The following LEKR1 variants were observed in gnomAD, a reference collection of about 807,000 sequenced individuals.
LEKR1 encodes the protein leucine, glutamate and lysine rich 1, also known as protein LEKR1.
In LEKR1, 59 loss-of-function variants were observed where a neutral mutation model predicts 72.4. The ratio of observed to expected loss-of-function variants is 0.82; its 90% CI spans 0.66 to 1.01. LEKR1 has a LOEUF of 1.01. Among genes scored for constraint, LEKR1 ranks in the 50% least tolerant of loss-of-function variants. LEKR1 has a pLI of 0.00. For missense variants in LEKR1, 728 were observed against 759.2 expected, an observed-to-expected ratio of 0.96 and a Z score of 0.48; for synonymous variants, 257 against 263.2, an observed-to-expected ratio of 0.98 and a Z score of 0.23.
At chr3:157,027,884 A>C (rs1734321739) in intron 11 of LEKR1, among the ~76,000 whole-genome samples, 1 of 152,194 alleles carries the variant, frequency 6.6e-6, no homozygotes, top group South Asian at 2.1e-4. Context: ...ATATATTTCC[A>C]AAAGTGCCCA....
intron 7 of LEKR1, among the ~76,000 whole-genome samples, chr3:156,991,380 G>A (rs1017358683): frequency 1.3e-5 from 2 of 151,836 alleles, no homozygotes; most frequent in African/African-American, 4.8e-5. Flanking sequence ...TAATAAAAAA[G>A]ATTTAAAAAT....
intron 5 of LEKR1, among the ~76,000 whole-genome samples, chr3:156,941,140 A>G (rs1031279086): frequency 4.4e-4 from 17 of 38,436 alleles, no homozygotes; most frequent in African/African-American, 5.7e-4. Flanking sequence ...TATTTTGAGG[A>G]AAAAAAAATC....
chr3:156,916,608 A>T (rs1723677600), intron 3 of LEKR1, among the ~76,000 whole-genome samples: 1 of 152,102 alleles, frequency 6.6e-6, no homozygotes, highest in Non-Finnish European at 1.5e-5. Flanking sequence ...TTGATTTTGT[A>T]TCCTGAAACT....
intron 9 of LEKR1, among the ~76,000 whole-genome samples, chr3:156,996,175 G>A (rs1378008704): frequency 6.6e-6 from 1 of 152,078 alleles, no homozygotes; most frequent in Admixed American, 6.5e-5. Context: ...AAAAAATAGA[G>A]AACTGACTAG....
chr3:156,919,676 C>G (rs963036938), intron 3 of LEKR1, among the ~76,000 whole-genome samples: 1 of 152,122 alleles, frequency 6.6e-6, no homozygotes, highest in Non-Finnish European at 1.5e-5. Context: ...CTGTTTATAG[C>G]AACTACATGC....
intron 6 of LEKR1, among the ~76,000 whole-genome samples, chr3:156,968,494 A>G (rs1728838636): frequency 1.3e-5 from 2 of 152,148 alleles, no homozygotes; most frequent in African/African-American, 4.8e-5. Context: ...TGATAAAACA[A>G]ACTTTAAACC....
rs1449800446 is a variant in LEKR1 at position 156,906,877 on chromosome 3, A to C, written c.264-13698A>C. ...GTTTTTTAAAAGTATAAAAAGAAAA[A>C]CGTTTTATAAAAATGGACTGAGAAT... On this transcript the variant is annotated intron_variant, in intron 3 of 12. Transcript: ENST00000356539. Among the ~76,000 whole-genome samples the C allele has an allele frequency of 3.3e-5, 5 of 152,114 alleles. No homozygotes were observed. In the East Asian group the frequency reaches 9.6e-4, roughly 29 times the overall value.
At chr3:156,964,581 G>C (rs1728398362) in intron 6 of LEKR1, among the ~76,000 whole-genome samples, 1 of 152,158 alleles carries the variant, frequency 6.6e-6, no homozygotes, top group Non-Finnish European at 1.5e-5. Context: ...GAGTAGTTTT[G>C]TAGCATGAAA....
At chr3:156,905,445 A>G (rs914657346) in intron 3 of LEKR1, among the ~76,000 whole-genome samples, 8 of 152,200 alleles carry the variant, frequency 5.3e-5, no homozygotes, top group Non-Finnish European at 1.0e-4. Context: ...ATACCACTGA[A>G]GAGGAAATTA....
At chr3:156,854,460 A>G (rs79539739) in intron 3 of LEKR1, among the ~76,000 whole-genome samples, 10,083 of 151,746 alleles carry the variant, frequency 0.066, 407 homozygotes, top group African/African-American at 0.11. Context: ...ATCACTTTTA[A>G]TGATTTGGTG....
At chr3:157,039,464 C>G (rs1259149955) in intron 12 of LEKR1, among the ~76,000 whole-genome samples, 1 of 151,880 alleles carries the variant, frequency 6.6e-6, no homozygotes. Flanking sequence ...ACAGAAAATA[C>G]AAAAATTAGC....
intron 3 of LEKR1, 150 bp from the exon 4 acceptor site, chr3:156,920,425 T>C: frequency 1.9e-6 from 1 of 513,712 alleles, no homozygotes. Context: ...ATTTGGTCTC[T>C]CCATATTTTT....
intron 3 of LEKR1, among the ~76,000 whole-genome samples, chr3:156,866,947 A>G (rs1387142074): frequency 6.6e-6 from 1 of 152,098 alleles, no homozygotes; most frequent in Admixed American, 6.6e-5. Flanking sequence ...TTGAGGTTTG[A>G]AAAGGATATT....
chr3:157,025,585 G>A (rs1734128900), intron 11 of LEKR1, among the ~76,000 whole-genome samples: 1 of 152,192 alleles, frequency 6.6e-6, no homozygotes. Flanking sequence ...TTGTGTACAG[G>A]AGGTATGGTA....
At chr3:156,961,453 C>T (rs1034843529) in intron 6 of LEKR1, among the ~76,000 whole-genome samples, 1 of 152,330 alleles carries the variant, frequency 6.6e-6, no homozygotes, top group Non-Finnish European at 1.5e-5. Flanking sequence ...CCCTTTCCAA[C>T]AATCCTTAAC....
At chr3:156,856,901 C>G (rs1273986005) in intron 3 of LEKR1, among the ~76,000 whole-genome samples, 3 of 151,984 alleles carry the variant, frequency 2.0e-5, no homozygotes, top group Non-Finnish European at 4.4e-5. Flanking sequence ...ATACCCTTTT[C>G]CTCCTTTTTC....
At chr3:156,845,642 G>T (rs144694912) in intron 2 of LEKR1, among the ~76,000 whole-genome samples, 2 of 151,924 alleles carry the variant, frequency 1.3e-5, no homozygotes, top group African/African-American at 2.4e-5. Flanking sequence ...AAATCAGTTT[G>T]GCATATTTAT....
chr3:156,998,115 C>T (rs899351171), intron 9 of LEKR1, among the ~76,000 whole-genome samples: 18 of 151,550 alleles, frequency 1.2e-4, no homozygotes, highest in African/African-American at 4.4e-4. Context: ...CTTGTAAAGA[C>T]AGCCCTCAGC....
intron 9 of LEKR1, among the ~76,000 whole-genome samples, chr3:157,006,543 A>G (rs1408168032): frequency 6.6e-6 from 1 of 152,228 alleles, no homozygotes; most frequent in Non-Finnish European, 1.5e-5. Context: ...CAATACAAAA[A>G]CTTGTACACA....
Sources: allele counts gnomAD v4.1 joint callset (sites outside exome capture counted in the v4.1 genomes callset), GRCh38; gene constraint gnomAD v4.1.1; transcripts MANE v1.5; gene names NCBI Gene and HGNC (gene_info 2026-07-23, HGNC 2026-07-21).